Variants in RARB observed in about 807,000 individuals in gnomAD.
RARB encodes the protein retinoic acid receptor beta, also known as HBV-activated protein.
Under a neutral mutation model 51.9 loss-of-function variants are expected in RARB, and 17 were observed. That is an observed-to-expected ratio of 0.33 (90% CI 0.22 to 0.49). The LOEUF (loss-of-function observed/expected upper bound fraction) is 0.49. RARB is among the 20% of genes least tolerant of loss of function. RARB has a pLI of 0.99. For synonymous variants in RARB, 215 were observed against 195.4 expected (o/e 1.10, Z -0.84); for missense variants, 369 against 550.8 (o/e 0.67, Z 3.30).
chr3:25,050,205 C>T (rs541326845), intron 2 of RARB, among the ~76,000 whole-genome samples: 1 of 152,142 alleles, frequency 6.6e-6, no homozygotes, highest in Admixed American at 6.5e-5. Context: ...AACGGTCAAA[C>T]CTAAAAATCT....
intron 5 of RARB, among the ~76,000 whole-genome samples, chr3:25,403,773 G>T (rs1707328341): frequency 6.7e-6 from 1 of 148,522 alleles, no homozygotes; most frequent in African/African-American, 2.5e-5. Context: ...TGACATTTGA[G>T]CGCTATTATT....
intron 3 of RARB, among the ~76,000 whole-genome samples, chr3:25,076,360 C>T (rs1189343635): frequency 1.3e-5 from 2 of 152,048 alleles, no homozygotes; most frequent in Admixed American, 6.6e-5. Context: ...AGGTTGGTCT[C>T]GATCTCCTGA....
chr3:25,515,423 T>TA (rs1218106032), intron 3 of RARB, among the ~76,000 whole-genome samples: 1 of 152,250 alleles, frequency 6.6e-6, no homozygotes, highest in Admixed American at 6.5e-5. Context: ...CCTGGGAACA[T>TA]ACTCAATAGA....
At chr3:24,972,499 T>A (rs1020205211) in intron 2 of RARB, among the ~76,000 whole-genome samples, 2 of 151,980 alleles carry the variant, frequency 1.3e-5, no homozygotes, top group Non-Finnish European at 2.9e-5. Flanking sequence ...CTTTTGGATG[T>A]ATACCATCAG....
At chr3:25,460,382 A>G (rs1247456979) in intron 1 of RARB, among the ~76,000 whole-genome samples, 4 of 152,100 alleles carry the variant, frequency 2.6e-5, no homozygotes, top group Non-Finnish European at 4.4e-5. Context: ...TGTTGAATGA[A>G]TAATTTGGGC....
At chr3:25,271,182 T>C (rs910148466) in intron 5 of RARB, among the ~76,000 whole-genome samples, 4 of 152,194 alleles carry the variant, frequency 2.6e-5, no homozygotes, top group African/African-American at 9.6e-5. Flanking sequence ...TTAATTTTTC[T>C]CCCCTCAATT....
At chr3:24,963,562 A>G (rs1696187952) in intron 2 of RARB, among the ~76,000 whole-genome samples, 1 of 151,642 alleles carries the variant, frequency 6.6e-6, no homozygotes, top group African/African-American at 2.4e-5. Flanking sequence ...GAAGCAGAAT[A>G]ACTTTTAGAA....
At chr3:25,569,979 CAG>C (rs1700645547) in intron 4 of RARB, 61 bp downstream of exon 4, 3 of 1,284,400 alleles carry the variant, frequency 2.3e-6, no homozygotes, top group South Asian at 2.7e-5. Context: ...TGCATGTGTG[CAG>C]ACACACACAC....
At chr3:25,454,944 C>G (rs1264564489) in intron 1 of RARB, among the ~76,000 whole-genome samples, 1 of 152,272 alleles carries the variant, frequency 6.6e-6, no homozygotes, top group South Asian at 2.1e-4. Context: ...TGAATCAACC[C>G]AAGAGCTGTG....
Position 25,569,811 on chromosome 3 carries a change from A to C in RARB, c.502A>C (p.Thr168Pro). Reference protein sequence around the residue: ...KKKETSKQECTESYEMTAELD... With the variant: ...KKKETSKQECPESYEMTAELD... Reference sequence around the variant, plus strand: ...GAAGGAGACTTCGAAGCAAGAATGCACAGAGAGCTATGAAATGACAGCTGA... The same window carrying C: ...GAAGGAGACTTCGAAGCAAGAATGCCCAGAGAGCTATGAAATGACAGCTGA... The change falls in exon 4 of 8, where the codon ACA becomes CCA. Residue 168 changes from threonine to proline, a missense_variant. By Grantham distance (38) the Thr-to-Pro change is conservative. This residue lies in a region of RARB where 46 missense variants were observed against 43.2 expected (regional missense o/e 1.07). Coordinates refer to ENST00000330688, the MANE Select transcript of RARB (RefSeq NM_000965.5). The C allele has an allele frequency of 6.2e-7, 1 of 1,614,246 alleles. No individual in the cohort carries two copies. The highest frequency in any genetic ancestry group is 8.5e-7 in the Non-Finnish European group (1 of 1,180,034).
chr3:25,167,507 A>C (rs1189481242), intron 4 of RARB, among the ~76,000 whole-genome samples: 1 of 152,242 alleles, frequency 6.6e-6, no homozygotes, highest in African/African-American at 2.4e-5. Flanking sequence ...AGATACTAGC[A>C]GTGGAATCTT....
intron 3 of RARB, among the ~76,000 whole-genome samples, chr3:25,513,514 C>G (rs1430449669): frequency 6.6e-6 from 1 of 152,146 alleles, no homozygotes; most frequent in Non-Finnish European, 1.5e-5. Flanking sequence ...CTTTCCCATT[C>G]TGCCTCCTCT....
intron 2 of RARB, among the ~76,000 whole-genome samples, chr3:25,012,741 A>G (rs1229138695): frequency 6.6e-6 from 1 of 152,156 alleles, no homozygotes; most frequent in African/African-American, 2.4e-5. Flanking sequence ...AAAGTAATCT[A>G]TGCAAATAAA....
At chr3:25,068,175 A>T (rs1385203787) in intron 3 of RARB, among the ~76,000 whole-genome samples, 1 of 126,808 alleles carries the variant, frequency 7.9e-6, no homozygotes, top group African/African-American at 3.0e-5. Context: ...AAAAAAAAAA[A>T]ATCTTAAGGA....
intron 1 of RARB, among the ~76,000 whole-genome samples, chr3:25,447,833 C>T (rs1221308094): frequency 6.6e-6 from 1 of 151,636 alleles, no homozygotes; most frequent in East Asian, 1.9e-4. Context: ...CTCTTAGGTA[C>T]ATCAGAAGGG....
At chr3:24,949,462 T>C (rs1281451268) in intron 2 of RARB, among the ~76,000 whole-genome samples, 1 of 152,190 alleles carries the variant, frequency 6.6e-6, no homozygotes, top group African/African-American at 2.4e-5. Flanking sequence ...ATTGTTAAAA[T>C]AACTAACTTC....
intron 2 of RARB, among the ~76,000 whole-genome samples, chr3:24,931,932 G>GTCA: frequency 6.6e-6 from 1 of 152,046 alleles, no homozygotes; most frequent in Non-Finnish European, 1.5e-5. Flanking sequence ...TGACTATGCA[G>GTCA]CCTGTTTCCA....
At chr3:24,983,953 C>T (rs957362191) in intron 2 of RARB, among the ~76,000 whole-genome samples, 1 of 152,064 alleles carries the variant, frequency 6.6e-6, no homozygotes, top group Non-Finnish European at 1.5e-5. Flanking sequence ...AAAGAGCAAG[C>T]AATTTCCAAT....
intron 2 of RARB, among the ~76,000 whole-genome samples, chr3:24,883,789 C>T (rs1033299287): frequency 3.3e-5 from 5 of 152,032 alleles, no homozygotes; most frequent in African/African-American, 1.2e-4. Context: ...AAACAAGTAC[C>T]TAACAAACTC....
Sources: gnomAD v4.1 joint callset for allele counts (sites outside exome capture counted in the v4.1 genomes callset) on GRCh38, gnomAD v4.1.1 for gene constraint, gnomAD v4.1.1 regional missense constraint, MANE v1.5 for transcripts, NCBI Gene and HGNC (gene_info 2026-07-23, HGNC 2026-07-21) for gene names.